The following PDE4B variants were observed in gnomAD, a reference collection of about 807,000 sequenced individuals.
PDE4B encodes 3',5'-cyclic-AMP phosphodiesterase 4B.
PDE4B carries 20 observed loss-of-function variants against 82.2 expected under a neutral mutation model. The ratio of observed to expected loss-of-function variants is 0.24; its 90% CI spans 0.17 to 0.35. The LOEUF (loss-of-function observed/expected upper bound fraction) is 0.35. PDE4B is among the 10% of genes least tolerant of loss of function. The probability of loss-of-function intolerance (pLI) is 1.00; values close to 1 mark genes in which losing one functional copy is unlikely to be tolerated. For missense variants in PDE4B, 655 were observed against 907.2 expected, an observed-to-expected ratio of 0.72 and a Z score of 3.57; for synonymous variants, 320 against 318.9, an observed-to-expected ratio of 1.00 and a Z score of -0.04.
At chr1:66,219,702 A>T (rs1206955799) in intron 3 of PDE4B, among the ~76,000 whole-genome samples, 1 of 152,110 alleles carries the variant, frequency 6.6e-6, no homozygotes, top group Non-Finnish European at 1.5e-5. Flanking sequence ...TAAAACTACT[A>T]ATTGGGATCT....
intron 8 of PDE4B, among the ~76,000 whole-genome samples, chr1:66,347,311 A>G (rs1476600546): frequency 1.3e-5 from 2 of 152,210 alleles, no homozygotes; most frequent in African/African-American, 2.4e-5. Context: ...TTAATAGGAT[A>G]AAATTGCATA....
At chr1:65,875,517 C>G (rs1457991886) in intron 1 of PDE4B, among the ~76,000 whole-genome samples, 1 of 144,606 alleles carries the variant, frequency 6.9e-6, no homozygotes, top group African/African-American at 2.6e-5. Flanking sequence ...TTTATTGCGG[C>G]ATTATTCACA....
intron 3 of PDE4B, among the ~76,000 whole-genome samples, chr1:66,073,672 A>G (rs1488457269): frequency 6.6e-6 from 1 of 152,114 alleles, no homozygotes; most frequent in Non-Finnish European, 1.5e-5. Flanking sequence ...CCGATAGTAA[A>G]CCAGATAACA....
intron 7 of PDE4B, among the ~76,000 whole-genome samples, chr1:66,321,650 C>T (rs538557365): frequency 1.4e-4 from 21 of 152,212 alleles, no homozygotes; most frequent in African/African-American, 4.1e-4. Flanking sequence ...GAACTACAAA[C>T]CACTGCTCAA....
intron 1 of PDE4B, among the ~76,000 whole-genome samples, chr1:65,851,847 T>C (rs903043892): frequency 1.2e-4 from 18 of 152,112 alleles, no homozygotes; most frequent in African/African-American, 3.6e-4. Context: ...TTATCCGATA[T>C]TGGGGGAAAG....
chr1:65,821,784 T>A (rs1645955762), intron 1 of PDE4B, among the ~76,000 whole-genome samples: 1 of 152,222 alleles, frequency 6.6e-6, no homozygotes. Flanking sequence ...GAATCAACTG[T>A]AGAGTCTTTA....
At chr1:65,928,675 G>A (rs1284456307) in intron 3 of PDE4B, among the ~76,000 whole-genome samples, 2 of 152,272 alleles carry the variant, frequency 1.3e-5, no homozygotes, top group African/African-American at 2.4e-5. Context: ...TTGGTCAAGG[G>A]TGTATCTTCT....
At chr1:66,066,279 C>G (rs962116552) in intron 3 of PDE4B, among the ~76,000 whole-genome samples, 1 of 151,750 alleles carries the variant, frequency 6.6e-6, no homozygotes, top group Non-Finnish European at 1.5e-5. Context: ...CCCGCAGCCT[C>G]CTCCATCCCC....
intron 3 of PDE4B, among the ~76,000 whole-genome samples, chr1:65,979,140 GAAA>G (rs1650559580): frequency 6.6e-6 from 1 of 152,040 alleles, no homozygotes; most frequent in Admixed American, 6.5e-5. Context: ...CCTCACTCCA[GAAA>G]AAAAGAAGTG....
At chr1:66,306,140 G>A (rs527735327) in intron 7 of PDE4B, among the ~76,000 whole-genome samples, 5 of 152,256 alleles carry the variant, frequency 3.3e-5, no homozygotes, top group South Asian at 2.1e-4. Context: ...TAATAAGTCC[G>A]TCTCTGTGGT....
At chr1:66,080,851 C>G (rs1345817616) in intron 3 of PDE4B, among the ~76,000 whole-genome samples, 1 of 151,682 alleles carries the variant, frequency 6.6e-6, no homozygotes, top group African/African-American at 2.4e-5. Context: ...AACCATCATC[C>G]TGGTTTTGAG....
intron 3 of PDE4B, among the ~76,000 whole-genome samples, chr1:65,942,995 A>C (rs1648524835): frequency 6.6e-6 from 1 of 151,762 alleles, no homozygotes; most frequent in South Asian, 2.1e-4. Flanking sequence ...GCTTGGCTGT[A>C]CAGAAGCTTT....
At chr1:66,096,799 C>T (rs1645129214) in intron 3 of PDE4B, among the ~76,000 whole-genome samples, 1 of 151,640 alleles carries the variant, frequency 6.6e-6, no homozygotes, top group South Asian at 2.1e-4. Context: ...CTCCTTCCTG[C>T]ACCTGAACTC....
chr1:65,877,940 T>C (rs754511869), intron 1 of PDE4B, among the ~76,000 whole-genome samples: 10 of 151,842 alleles, frequency 6.6e-5, no homozygotes, highest in Non-Finnish European at 1.3e-4. Flanking sequence ...TCATCAGAGC[T>C]AATAGGCAGC....
intron 3 of PDE4B, among the ~76,000 whole-genome samples, chr1:66,045,737 A>G (rs564030232): frequency 6.6e-6 from 1 of 151,058 alleles, no homozygotes; most frequent in African/African-American, 2.5e-5. Context: ...GATTCAATCA[A>G]AGAAAAGATG....
chr1:65,969,908 A>T (rs1650042083), intron 3 of PDE4B, among the ~76,000 whole-genome samples: 1 of 152,080 alleles, frequency 6.6e-6, no homozygotes, highest in Admixed American at 6.6e-5. Flanking sequence ...TCTAATAACA[A>T]TTCTAAGCCA....
intron 1 of PDE4B, among the ~76,000 whole-genome samples, chr1:65,797,119 A>T (rs1460699564): frequency 2.0e-5 from 3 of 149,962 alleles, no homozygotes; most frequent in Non-Finnish European, 4.4e-5. Context: ...CGCCTGGCTA[A>T]TTTTTTTGTA....
intron 3 of PDE4B, among the ~76,000 whole-genome samples, chr1:66,140,815 C>T (rs1282341372): frequency 3.9e-5 from 6 of 152,180 alleles, no homozygotes; most frequent in Non-Finnish European, 8.8e-5. Context: ...TCACAGATTG[C>T]TCTACTACTT....
At chr1:65,993,172 G>A (rs1295740928) in intron 3 of PDE4B, 2 of 1,534,248 alleles carry the variant, frequency 1.3e-6, no homozygotes, top group Admixed American at 1.9e-5. Flanking sequence ...TATCTACAGT[G>A]CTTTTCAGAT....
Sources: gnomAD v4.1 joint callset for allele counts (sites outside exome capture counted in the v4.1 genomes callset) on GRCh38, gnomAD v4.1.1 for gene constraint, MANE v1.5 for transcripts, NCBI Gene and HGNC (gene_info 2026-07-23, HGNC 2026-07-21) for gene names.